Variants in RABGAP1 observed in about 807,000 individuals in gnomAD.
RABGAP1 encodes RAB GTPase activating protein 1.
RABGAP1 carries 23 observed loss-of-function variants against 137.6 expected under a neutral mutation model. The observed-to-expected ratio is 0.17, with a 90% CI of 0.12 to 0.24. The LOEUF (loss-of-function observed/expected upper bound fraction) is 0.24. RABGAP1 is among the 10% of genes least tolerant of loss of function. The probability of loss-of-function intolerance (pLI) is 1.00; values close to 1 mark genes in which losing one functional copy is unlikely to be tolerated. For missense variants in RABGAP1, 906 were observed against 1,275.8 expected (o/e 0.71, Z 4.42); for synonymous variants, 451 against 450.7 (o/e 1.00, Z -0.01).
chr9:123,002,346 T>C (rs180801476), intron 10 of RABGAP1, among the ~76,000 whole-genome samples: 2,504 of 123,132 alleles, frequency 0.02, 37 homozygotes, highest in Admixed American at 0.028. Context: ...TAGTTGTATA[T>C]ATATTTTTAT....
chr9:123,052,929 G>A (rs979335779), intron 13 of RABGAP1, among the ~76,000 whole-genome samples: 1 of 152,172 alleles, frequency 6.6e-6, no homozygotes, highest in Non-Finnish European at 1.5e-5. Flanking sequence ...AACAGAGTGT[G>A]ACTGTGTCTC....
chr9:122,941,305 C>A (rs918016090), intron 1 of RABGAP1, among the ~76,000 whole-genome samples: 1 of 152,220 alleles, frequency 6.6e-6, no homozygotes, highest in African/African-American at 2.4e-5. Context: ...AGGGCGCATG[C>A]GCAGGCTGGG....
chr9:122,984,996 CA>C (rs1836292256), intron 3 of RABGAP1, among the ~76,000 whole-genome samples: 1 of 6,828 alleles, frequency 1.5e-4, no homozygotes, highest in African/African-American at 1.6e-4. Context: ...TTTTTCCCCC[CA>C]GGAATGCTTA....
intron 13 of RABGAP1, among the ~76,000 whole-genome samples, chr9:123,061,418 G>A (rs975856739): frequency 2.0e-5 from 3 of 152,254 alleles, no homozygotes; most frequent in South Asian, 2.1e-4. Context: ...CCTGGCATGC[G>A]CTTGCTTTTA....
intron 21 of RABGAP1, among the ~76,000 whole-genome samples, chr9:123,097,416 T>A (rs139633992): frequency 1.2e-4 from 18 of 152,344 alleles, no homozygotes; most frequent in African/African-American, 3.8e-4. Context: ...TTTTCTTGCC[T>A]TATCCCTCAG....
At position 123,047,919 on chromosome 9, in the gene RABGAP1, G is replaced by GTTTTTTTTTTT. The variant is rs59639446; in HGVS notation, c.1795-17403_1795-17393dup. 1.4e-4 allele frequency among the ~76,000 whole-genome samples: 9 copies of GTTTTTTTTTTT among 62,282 alleles called. 2 individuals are homozygous for GTTTTTTTTTTT. Among genetic ancestry groups the GTTTTTTTTTTT allele is most frequent in the African/African-American group, 2.0e-4 (4 of 19,736 alleles). The allele number at this position is 62,282 out of a possible 152,430, so 40.9% of individuals were successfully genotyped here. A position where few individuals can be genotyped will look rare whatever the true frequency, so the allele number is the denominator to read the frequency against. On this transcript the variant is annotated intron_variant, in intron 13 of 25. Transcript: ENST00000373647. Reference sequence around the variant, plus strand: ...TATCTAGCCATTTTACAGCTGCTGGGTTTTTTTTTTTTTTTTTTTTTTTTT... The same window carrying GTTTTTTTTTTT: ...TATCTAGCCATTTTACAGCTGCTGGGTTTTTTTTTTTTTTTTTTTTTTTTTTTTTTTTTTTT...
chr9:122,932,236 T>C, the RABGAP1 span, among the ~76,000 whole-genome samples: 4 of 152,178 alleles, frequency 2.6e-5, no homozygotes, highest in African/African-American at 9.7e-5. Flanking sequence ...GGTGAGGGGC[T>C]TTTTATTGAG....
intron 8 of RABGAP1, chr9:122,997,055 T>C: frequency 3.4e-6 from 2 of 584,662 alleles, no homozygotes; most frequent in Non-Finnish European, 6.1e-6. Flanking sequence ...CAATTTGATA[T>C]TCGTAAGCAT....
chr9:122,946,670 T>C (rs1833967649), intron 1 of RABGAP1, among the ~76,000 whole-genome samples: 1 of 152,170 alleles, frequency 6.6e-6, no homozygotes, highest in Non-Finnish European at 1.5e-5. Context: ...AATTTAAATA[T>C]TTAGTTTCAC....
intron 14 of RABGAP1, among the ~76,000 whole-genome samples, chr9:123,066,881 T>G (rs1410899506): frequency 2.0e-5 from 3 of 152,264 alleles, no homozygotes; most frequent in Non-Finnish European, 4.4e-5. Context: ...GTATAATGAT[T>G]AGTCTAACTG....
chr9:123,077,609 ACATT>A, intron 19 of RABGAP1, among the ~76,000 whole-genome samples: 2 of 130,998 alleles, frequency 1.5e-5, no homozygotes, highest in Non-Finnish European at 3.5e-5. Flanking sequence ...TGTTATCATA[ACATT>A]GTATTGTATT....
At chr9:123,080,705 G>A (rs765331902) in intron 19 of RABGAP1, among the ~76,000 whole-genome samples, 7 of 152,050 alleles carry the variant, frequency 4.6e-5, no homozygotes, top group Non-Finnish European at 1.0e-4. Flanking sequence ...TCGAAAGGGC[G>A]GTTCATGATA....
intron 13 of RABGAP1, among the ~76,000 whole-genome samples, chr9:123,056,513 G>T (rs1221635573): frequency 1.4e-5 from 2 of 144,872 alleles, no homozygotes; most frequent in Admixed American, 1.4e-4. Context: ...GATCATTCTT[G>T]GGTGTTTCTT....
In RABGAP1 at chr9:123,020,315, C is replaced by A; in HGVS notation, c.1650C>A (p.Leu550=). 6.5e-7 allele frequency: 1 copy of A among 1,545,742 alleles called. No individual in the cohort carries two copies. The highest frequency in any genetic ancestry group is 1.4e-5 in the African/African-American group (1 of 73,420). ...TTTATGGCCTTATTTTTAGGCATCT[C>A]AACTTGAATGTGAGACCGAAGCAGT... is the stretch of plus-strand genomic sequence containing the variant. ...TWGELLSKWH[L]NLNVRPKQLS... Residue 550 remains leucine, a synonymous_variant, in exon 13 of 26, where the codon CTC becomes CTA. Transcript: ENST00000373647.
chr9:122,950,626 C>T (rs994918565), intron 1 of RABGAP1, among the ~76,000 whole-genome samples: 3 of 152,086 alleles, frequency 2.0e-5, no homozygotes, highest in Non-Finnish European at 4.4e-5. Flanking sequence ...GTTTTCTCTA[C>T]CACTGTAAGC....
chr9:122,952,213 C>G (rs1009885882), intron 1 of RABGAP1, among the ~76,000 whole-genome samples: 5 of 151,510 alleles, frequency 3.3e-5, no homozygotes, highest in African/African-American at 1.2e-4. Flanking sequence ...TGCCTGTAAT[C>G]CCAGCACTTT....
chr9:123,076,714 C>A lies in RABGAP1; in HGVS notation c.2376C>A (p.Arg792=). ...FFRVQLPKRY[R]SEENAKKLME... ...GGGTTCAGCTTCCTAAGAGATACCG[C>A]TCAGAAGAAAATGCAAAAAAACTAA... is the stretch of plus-strand genomic sequence containing the variant. Residue 792 remains arginine (R), a synonymous_variant, in exon 19 of 26, where the codon CGC becomes CGA. Transcript: ENST00000373647. The A allele has an allele frequency of 6.2e-7, 1 of 1,604,858 alleles. No homozygotes were observed. The highest frequency in any genetic ancestry group is 8.5e-7 in the Non-Finnish European group (1 of 1,175,422).
chr9:123,012,758 T>C (rs1032979172), intron 11 of RABGAP1, among the ~76,000 whole-genome samples: 5 of 152,214 alleles, frequency 3.3e-5, no homozygotes, highest in Non-Finnish European at 7.3e-5. Flanking sequence ...TCAGTAAATA[T>C]TGGCAGTATG....
chr9:123,047,558 A>T lies in RABGAP1; in HGVS notation c.1795-17790A>T, dbSNP rs148959187. Reference sequence around the variant, plus strand: ...ATAGAAAAAGATCTGGTTTACTTATAGCTTTATACTTCTAAAATAAGATAG... The same window carrying T: ...ATAGAAAAAGATCTGGTTTACTTATTGCTTTATACTTCTAAAATAAGATAG... On this transcript the variant is annotated intron_variant, in intron 13 of 25. Coordinates refer to ENST00000373647, the MANE Select transcript of RABGAP1 (RefSeq NM_012197.4). Among the ~76,000 whole-genome samples, 5 of 152,268 alleles carry T rather than the reference A, an allele frequency of 3.3e-5. No individual in the cohort carries two copies. In the East Asian group the frequency reaches 9.6e-4, roughly 29 times the overall value.
Sources: allele counts gnomAD v4.1 joint callset (sites outside exome capture counted in the v4.1 genomes callset), GRCh38; gene constraint gnomAD v4.1.1; transcripts MANE v1.5; gene names NCBI Gene and HGNC (gene_info 2026-07-23, HGNC 2026-07-21).